Variants in EPB41L3 observed in about 807,000 individuals in gnomAD.
EPB41L3 encodes the protein band 4.1-like protein 3.
A neutral mutation model predicts 127.1 loss-of-function variants in EPB41L3; 57 were observed. The ratio of observed to expected loss-of-function variants is 0.45; its 90% CI spans 0.36 to 0.56. The LOEUF is 0.56. Ranked by LOEUF, EPB41L3 falls within the 20% of genes least tolerant of loss-of-function variation. The probability of loss-of-function intolerance (pLI) is 0.00; values close to 1 mark genes in which losing one functional copy is unlikely to be tolerated. For synonymous variants in EPB41L3, 572 were observed against 549.5 expected, an observed-to-expected ratio of 1.04 and a Z score of -0.57; for missense variants, 1,273 against 1,372.2, an observed-to-expected ratio of 0.93 and a Z score of 1.14.
intron 9 of EPB41L3, among the ~76,000 whole-genome samples, chr18:5,425,633 G>T (rs540117018): frequency 2.0e-5 from 3 of 152,178 alleles, no homozygotes; most frequent in African/African-American, 7.2e-5. Flanking sequence ...CTATTTCTCT[G>T]TGTTTTATAT....
At chr18:5,415,046 G>A (rs909126378) in intron 13 of EPB41L3, among the ~76,000 whole-genome samples, 5 of 152,206 alleles carry the variant, frequency 3.3e-5, no homozygotes, top group African/African-American at 9.7e-5. Flanking sequence ...TGAAAGAATC[G>A]CTGTCATATT....
At chr18:5,452,480 C>A (rs1358034784) in intron 3 of EPB41L3, among the ~76,000 whole-genome samples, 2 of 151,898 alleles carry the variant, frequency 1.3e-5, no homozygotes, top group Admixed American at 1.3e-4. Flanking sequence ...AAGCAATCCT[C>A]CCACCCCAGT....
chr18:5,460,720 A>G (rs2083852873), intron 3 of EPB41L3, among the ~76,000 whole-genome samples: 1 of 151,958 alleles, frequency 6.6e-6, no homozygotes, highest in Admixed American at 6.6e-5. Context: ...CCTGGAATAA[A>G]CTCACTTCTT....
intron 1 of EPB41L3, among the ~76,000 whole-genome samples, chr18:5,493,103 A>G (rs1385345681): frequency 6.6e-6 from 1 of 152,174 alleles, no homozygotes; most frequent in East Asian, 1.9e-4. Context: ...CATCTTTTCC[A>G]CTTTTAGAAG....
chr18:5,588,841 G>C (rs2094461777), intron 3 of EPB41L3, among the ~76,000 whole-genome samples: 1 of 151,944 alleles, frequency 6.6e-6, no homozygotes, highest in African/African-American at 2.4e-5. Context: ...GTAAAATCTT[G>C]AGACTTGCAT....
At chr18:5,442,422 A>G (rs2080915196) in intron 5 of EPB41L3, among the ~76,000 whole-genome samples, 1 of 152,188 alleles carries the variant, frequency 6.6e-6, no homozygotes, top group Non-Finnish European at 1.5e-5. Context: ...TCTTATATCT[A>G]GAAGTATGGT....
At position 5,453,145 on chromosome 18, in the gene EPB41L3, C is replaced by T. The variant is rs150170788; in HGVS notation, c.382-7901G>A. Reference sequence around the variant, plus strand: ...AGGCACAAATTGCGCCAAGTCTCAGCACTGGACTACAATAAAATGTGTTTG... The same window carrying T: ...AGGCACAAATTGCGCCAAGTCTCAGTACTGGACTACAATAAAATGTGTTTG... On this transcript the variant is annotated intron_variant, in intron 3 of 22. Transcript: ENST00000341928. Among the ~76,000 whole-genome samples, 11 of 152,348 alleles carry T rather than the reference C, an allele frequency of 7.2e-5. No homozygotes were observed. In the East Asian group the frequency reaches 1.9e-3, roughly 27 times the overall value.
At chr18:5,436,112 G>T (rs1027677741) in intron 6 of EPB41L3, among the ~76,000 whole-genome samples, 17 of 150,974 alleles carry the variant, frequency 1.1e-4, no homozygotes, top group African/African-American at 3.9e-4. Context: ...ATTACTAACT[G>T]CCAAAGACCC....
intron 16 of EPB41L3, 45 bp downstream of exon 16, chr18:5,406,732 G>A (rs769353244): frequency 2.0e-6 from 3 of 1,532,286 alleles, no homozygotes; most frequent in Admixed American, 3.6e-5. Context: ...GAGAAGGAAG[G>A]CGGGTAAACA....
intron 2 of EPB41L3, among the ~76,000 whole-genome samples, chr18:5,482,854 TAAAG>T (rs563453262): frequency 9.9e-5 from 15 of 152,224 alleles, no homozygotes; most frequent in African/African-American, 3.4e-4. Context: ...AAAGAAATGC[TAAAG>T]AGAGTTCTTC....
At chr18:5,420,142 TC>T (rs2077294760) in intron 11 of EPB41L3, 1 of 587,856 alleles carries the variant, frequency 1.7e-6, no homozygotes, top group Non-Finnish European at 2.9e-6. Flanking sequence ...CGTGAAATGC[TC>T]ATGTCTTGGA....
intron 1 of EPB41L3, among the ~76,000 whole-genome samples, chr18:5,542,198 G>C (rs1391845267): frequency 7.9e-5 from 12 of 152,204 alleles, no homozygotes; most frequent in Non-Finnish European, 1.6e-4. Context: ...TCAGTCCCCA[G>C]AGTTCACTGG....
chr18:5,457,910 G>T (rs1395875142), intron 3 of EPB41L3, among the ~76,000 whole-genome samples: 1 of 152,166 alleles, frequency 6.6e-6, no homozygotes, highest in East Asian at 1.9e-4. Flanking sequence ...CGTTGCCACT[G>T]TCAGGGGGGC....
intron 3 of EPB41L3, among the ~76,000 whole-genome samples, chr18:5,583,652 T>C (rs896654784): frequency 6.6e-6 from 1 of 152,240 alleles, no homozygotes; most frequent in African/African-American, 2.4e-5. Context: ...ATGATTCATA[T>C]ATTTAATGCA....
At position 5,396,469 on chromosome 18, in the gene EPB41L3, G is replaced by A. The variant is rs767200554; in HGVS notation, c.2842-137C>T. The A allele has an allele frequency of 1.3e-4, 128 of 966,876 alleles. 1 individual carries two copies. Among genetic ancestry groups the A allele is most frequent in the Middle Eastern group, 2.2e-4 (1 of 4,528 alleles). 59.9% of individuals were successfully genotyped at this position (966,876 alleles called of 1,614,324 possible). ...TTATGTAGAGAGTAAGCTGGGGAAT[G>A]AGGCATACAACATGCACATGTCAGT... On this transcript the variant is annotated intron_variant, in intron 18 of 22. Transcript: ENST00000341928.
intron 1 of EPB41L3, among the ~76,000 whole-genome samples, chr18:5,622,892 T>C (rs1248362238): frequency 2.0e-5 from 3 of 152,176 alleles, no homozygotes; most frequent in East Asian, 3.9e-4. Context: ...GAACATTCCA[T>C]GTTTGTTTTT....
At chr18:5,440,842 G>A (rs2080598442) in intron 5 of EPB41L3, among the ~76,000 whole-genome samples, 2 of 152,042 alleles carry the variant, frequency 1.3e-5, no homozygotes, top group African/African-American at 2.4e-5. Flanking sequence ...AAAGATGACT[G>A]GAATAAGAAT....
intron 3 of EPB41L3, among the ~76,000 whole-genome samples, chr18:5,557,261 T>C (rs530274385): frequency 1.2e-3 from 179 of 152,366 alleles, no homozygotes; most frequent in Admixed American, 9.9e-3. Context: ...AGGCCTCAGA[T>C]ATTTAAAAAA....
At chr18:5,607,335 T>C (rs1163083150) in intron 3 of EPB41L3, among the ~76,000 whole-genome samples, 2 of 152,194 alleles carry the variant, frequency 1.3e-5, no homozygotes, top group East Asian at 3.9e-4. Context: ...TGTCAGGCGA[T>C]GGAAAACAGC....
Sources: allele counts gnomAD v4.1 joint callset (sites outside exome capture counted in the v4.1 genomes callset), GRCh38; gene constraint gnomAD v4.1.1; transcripts MANE v1.5; gene names NCBI Gene and HGNC (gene_info 2026-07-23, HGNC 2026-07-21).